TMEM50A: variants seen among roughly 807,000 people sequenced by gnomAD.
TMEM50A encodes transmembrane protein 50A, also known as cervical cancer oncogene 9.
A neutral mutation model predicts 23.9 loss-of-function variants in TMEM50A; 8 were observed. The ratio of observed to expected loss-of-function variants is 0.33; its 90% CI spans 0.20 to 0.60. The LOEUF (loss-of-function observed/expected upper bound fraction) is 0.60, where lower values mean the gene tolerates loss of function less well. TMEM50A is among the 20% of genes least tolerant of loss of function. The pLI, the probability that TMEM50A is intolerant of heterozygous loss-of-function variation, is 0.81. For synonymous variants in TMEM50A, 55 were observed against 60.4 expected, an observed-to-expected ratio of 0.91 and a Z score of 0.41; for missense variants, 178 against 192.7, an observed-to-expected ratio of 0.92 and a Z score of 0.45.
At chr1:25,342,220 G>C (rs1006319103) in intron 2 of TMEM50A, among the ~76,000 whole-genome samples, 2 of 152,082 alleles carry the variant, frequency 1.3e-5, no homozygotes, top group African/African-American at 4.8e-5. Flanking sequence ...ACTGAGTCAG[G>C]GTTTGGTGTG....
chr1:25,358,647 G>C (rs920813794), intron 6 of TMEM50A, among the ~76,000 whole-genome samples: 1 of 152,166 alleles, frequency 6.6e-6, no homozygotes, highest in Non-Finnish European at 1.5e-5. Context: ...CAGCCTCTTT[G>C]GGTTATACCT....
Position 25,352,444 on chromosome 1 carries a change from C to T in TMEM50A, c.275-438C>T, listed in dbSNP as rs182584412. ...TGGGCGGGTGGAGCTTGCAGTGAGC[C>T]GAGATTGCGCCACTGCACTCCAGCC... On this transcript the variant is annotated intron_variant, in intron 4 of 6. Transcript: ENST00000374358. 2.7e-3 allele frequency among the ~76,000 whole-genome samples: 400 copies of T among 146,532 alleles called. 2 individuals carry two copies. Among genetic ancestry groups the T allele is most frequent in the African/African-American group, 9.9e-3 (388 of 39,020 alleles).
At chr1:25,345,508 AG>A (rs1475168665) in intron 3 of TMEM50A, among the ~76,000 whole-genome samples, 1 of 151,780 alleles carries the variant, frequency 6.6e-6, no homozygotes, top group Non-Finnish European at 1.5e-5. Context: ...TGAACCCAGG[AG>A]GCGGAGGTTG....
intron 3 of TMEM50A, among the ~76,000 whole-genome samples, chr1:25,349,710 C>G (rs1260511157): frequency 1.3e-5 from 2 of 152,156 alleles, no homozygotes; most frequent in African/African-American, 4.8e-5. Flanking sequence ...CTACCTTGGC[C>G]TTCCAAAGTG....
intron 1 of TMEM50A, among the ~76,000 whole-genome samples, chr1:25,339,369 TACTATTA>T (rs1349004033): frequency 6.6e-6 from 1 of 152,226 alleles, no homozygotes; most frequent in Admixed American, 6.5e-5. Context: ...TAATCTGAAT[TACTATTA>T]ACCACGATTC....
rs534386053 is a variant in TMEM50A, at chr1:25,344,446, T to G, written c.206+1373T>G. On this transcript the variant is annotated intron_variant, in intron 3 of 6. Transcript: ENST00000374358. Reference sequence around the variant, plus strand: ...ATTTATCAATGTATTTTGAAAATATTCTTGTATTCTTACCAGTTTCTCAAA... The same window carrying G: ...ATTTATCAATGTATTTTGAAAATATGCTTGTATTCTTACCAGTTTCTCAAA... Among the ~76,000 whole-genome samples, 8 of 152,352 alleles carry G rather than the reference T, an allele frequency of 5.3e-5. No homozygotes were observed. The East Asian group carries it at 1.5e-3, about 29-fold the overall frequency.
At chr1:25,350,424 CTT>C (rs1005078906) in intron 3 of TMEM50A, among the ~76,000 whole-genome samples, 14 of 152,082 alleles carry the variant, frequency 9.2e-5, no homozygotes, top group Non-Finnish European at 1.5e-4. Flanking sequence ...GAGTTTCACT[CTT>C]GTCGCCCAGG....
chr1:25,340,692 T>C (rs961085770), intron 2 of TMEM50A, 113 bp downstream of exon 2: 6 of 703,072 alleles, frequency 8.5e-6, no homozygotes, highest in Non-Finnish European at 1.4e-5. Context: ...TTGACCACTT[T>C]GACCATGTTG....
chr1:25,361,338 C>G lies in TMEM50A; in HGVS notation c.*633C>G, dbSNP rs1383184453. The G allele has an allele frequency of 6.6e-6, 1 of 152,356 alleles. No individual in the cohort carries two copies. The highest frequency in any genetic ancestry group is 1.9e-4 in the East Asian group (1 of 5,184). 9.4% of individuals were successfully genotyped at this position (152,356 alleles called of 1,614,324 possible). On this transcript the variant is annotated 3_prime_UTR_variant, in exon 7 of 7. Transcript: ENST00000374358. The stretch of plus-strand genomic sequence containing the variant: ...AGGTCTTCCGCTGTGCCTCTCATTC[C>G]AAGGGCAGGAAGATGTGACTCAGCC...
At position 25,346,396 on chromosome 1, in the gene TMEM50A, TAAA is replaced by T. The variant is rs536052166; in HGVS notation, c.206+3331_206+3333del. ...AAAGAATCAGGTTTTCCTTTTAAAT[TAAA>T]AAAAAAATGTTTTAGAAGTAGGGCC... On this transcript the variant is annotated intron_variant, in intron 3 of 6. Transcript: ENST00000374358. Among the ~76,000 whole-genome samples, 383 of 149,826 alleles carry T rather than the reference TAAA, an allele frequency of 2.6e-3. 2 individuals are homozygous for T. The highest frequency in any genetic ancestry group is 8.9e-3 in the African/African-American group (364 of 40,958).
rs146519311 is a variant in TMEM50A at position 25,352,947 on chromosome 1, A to G, written c.340A>G (p.Ile114Val). The change falls in exon 5 of 7, where the codon ATT (isoleucine) becomes GTT (valine). Residue 114 changes from isoleucine (I) to valine (V), a missense_variant. Transcript: ENST00000374358. The part of the protein sequence containing the change: ...AFGSLIASMW[I>V]LFGGYVAKEK... Reference sequence around the variant, plus strand: ...TGGATCTCTGATTGCATCTATGTGGATTCTTTTTGGAGGTTATGTTGCTAA... The same window carrying G: ...TGGATCTCTGATTGCATCTATGTGGGTTCTTTTTGGAGGTTATGTTGCTAA... 5.9e-5 allele frequency: 95 copies of G among 1,613,392 alleles called. No homozygotes were observed. In the African/African-American group the frequency reaches 1.2e-3, roughly 20 times the overall value.
At chr1:25,343,108 C>A in intron 3 of TMEM50A, 35 bp downstream of exon 3, 1 of 1,487,832 alleles carries the variant, frequency 6.7e-7, no homozygotes, top group Non-Finnish European at 9.2e-7. Context: ...ACTTACATAG[C>A]TTGCCACAAA....
At chr1:25,341,260 T>C (rs929921898) in intron 2 of TMEM50A, among the ~76,000 whole-genome samples, 5 of 152,102 alleles carry the variant, frequency 3.3e-5, no homozygotes, top group Non-Finnish European at 7.4e-5. Context: ...TGTTTTTGTT[T>C]TTTTTGGTTT....
intron 1 of TMEM50A, among the ~76,000 whole-genome samples, chr1:25,339,763 T>TA (rs1211229323): frequency 2.0e-5 from 3 of 152,212 alleles, no homozygotes; most frequent in Non-Finnish European, 1.5e-5. Flanking sequence ...TGTGGATTAG[T>TA]AATCATATAC....
chr1:25,340,589 A>G lies in TMEM50A; in HGVS notation c.93+10A>G. ...TGCTGCTGGTGTACTAGTAAGTGTCATTGATTATTTGGGCCTTATTTTTTG... is the reference window on the plus strand; with the variant it reads ...TGCTGCTGGTGTACTAGTAAGTGTCGTTGATTATTTGGGCCTTATTTTTTG... On this transcript the variant is annotated intron_variant, in intron 2 of 6. Transcript: ENST00000374358. 6.2e-7 allele frequency: 1 copy of G among 1,606,900 alleles called. No homozygotes were observed.
chr1:25,346,659 G>A (rs1186690548), intron 3 of TMEM50A, among the ~76,000 whole-genome samples: 1 of 152,008 alleles, frequency 6.6e-6, no homozygotes, highest in South Asian at 2.1e-4. Context: ...CTTGGCCTCC[G>A]AGAGTGCTGC....
In TMEM50A at chr1:25,362,174, C is replaced by G; in HGVS notation, c.*1469C>G. 2.3e-6 allele frequency: 1 copy of G among 433,518 alleles called. No homozygotes were observed. Among genetic ancestry groups the G allele is most frequent in the Non-Finnish European group, 4.2e-6 (1 of 237,408 alleles). 26.9% of individuals were successfully genotyped at this position (433,518 alleles called of 1,614,324 possible). ...TAATTTTCCTGTTTTGTATTATCTGCTTTGCTGATGTAGACAAGAGTTAAC... is the reference window on the plus strand; with the variant it reads ...TAATTTTCCTGTTTTGTATTATCTGGTTTGCTGATGTAGACAAGAGTTAAC... On this transcript the variant is annotated 3_prime_UTR_variant, in exon 7 of 7. Coordinates refer to ENST00000374358, the MANE Select transcript of TMEM50A (RefSeq NM_014313.4).
chr1:25,347,831 T>C (rs1645234856), intron 3 of TMEM50A, among the ~76,000 whole-genome samples: 1 of 152,216 alleles, frequency 6.6e-6, no homozygotes, highest in Non-Finnish European at 1.5e-5. Context: ...TGCAGCTATT[T>C]CTAGTTCTTT....
At chr1:25,348,406 G>A (rs1645241377) in intron 3 of TMEM50A, among the ~76,000 whole-genome samples, 1 of 152,148 alleles carries the variant, frequency 6.6e-6, no homozygotes, top group East Asian at 1.9e-4. Context: ...TGTAGGGTAG[G>A]CCGGGCACGG....
Sources: gnomAD v4.1 joint callset for allele counts (sites outside exome capture counted in the v4.1 genomes callset) on GRCh38, gnomAD v4.1.1 for gene constraint, MANE v1.5 for transcripts, NCBI Gene and HGNC (gene_info 2026-07-23, HGNC 2026-07-21) for gene names.